The following KCNH1 variants were observed in gnomAD, a reference collection of about 807,000 sequenced individuals.
The protein encoded by KCNH1 is potassium voltage-gated channel subfamily H member 1.
In KCNH1, 27 loss-of-function variants were observed where a neutral mutation model predicts 69.2. That is an observed-to-expected ratio of 0.39 (90% CI 0.29 to 0.54). The LOEUF (loss-of-function observed/expected upper bound fraction) is 0.54, where lower values mean the gene tolerates loss of function less well. Among genes scored for constraint, KCNH1 ranks in the 20% least tolerant of loss-of-function variants. The probability of loss-of-function intolerance (pLI) is 0.68; values close to 1 mark genes in which losing one functional copy is unlikely to be tolerated. For synonymous variants in KCNH1, 456 were observed against 487.7 expected, an observed-to-expected ratio of 0.93 and a Z score of 0.86; for missense variants, 798 against 1,261.6, an observed-to-expected ratio of 0.63 and a Z score of 5.57.
intron 7 of KCNH1, among the ~76,000 whole-genome samples, chr1:210,828,717 T>C (rs147503433): frequency 1.3e-5 from 2 of 152,308 alleles, no homozygotes; most frequent in African/African-American, 4.8e-5. Flanking sequence ...GACTAGGTTG[T>C]CCTTTCTAAA....
At chr1:211,041,498 T>A (rs953362730) in intron 5 of KCNH1, among the ~76,000 whole-genome samples, 1 of 152,206 alleles carries the variant, frequency 6.6e-6, no homozygotes, top group East Asian at 1.9e-4. Flanking sequence ...CAATGTACCA[T>A]CCTGTCTCAC....
intron 5 of KCNH1, among the ~76,000 whole-genome samples, chr1:211,080,177 G>A (rs1558596145): frequency 6.6e-6 from 1 of 152,078 alleles, no homozygotes; most frequent in Non-Finnish European, 1.5e-5. Context: ...ACCAATAATA[G>A]ACAAACAGAG....
intron 6 of KCNH1, among the ~76,000 whole-genome samples, chr1:210,920,355 C>T (rs1007308518): frequency 1.3e-5 from 2 of 152,056 alleles, no homozygotes; most frequent in African/African-American, 4.8e-5. Flanking sequence ...GGCATCTTTC[C>T]ATATCATTAC....
intron 6 of KCNH1, among the ~76,000 whole-genome samples, chr1:210,980,252 G>A (rs1197582122): frequency 6.6e-6 from 1 of 152,148 alleles, no homozygotes; most frequent in African/African-American, 2.4e-5. Flanking sequence ...CCAGATGCAG[G>A]TTAAGACATG....
intron 6 of KCNH1, among the ~76,000 whole-genome samples, chr1:210,949,539 A>G (rs777302005): frequency 1.3e-5 from 2 of 152,192 alleles, no homozygotes; most frequent in Non-Finnish European, 2.9e-5. Flanking sequence ...CTCTCCCAAC[A>G]TGACAGTAAC....
intron 9 of KCNH1, among the ~76,000 whole-genome samples, chr1:210,776,018 G>A (rs1683852903): frequency 6.6e-6 from 1 of 152,230 alleles, no homozygotes; most frequent in Non-Finnish European, 1.5e-5. Flanking sequence ...CAGAAGGAAA[G>A]AATGGAGGTA....
At chr1:210,832,365 C>A (rs2102440951) in intron 7 of KCNH1, among the ~76,000 whole-genome samples, 1 of 152,238 alleles carries the variant, frequency 6.6e-6, no homozygotes, top group South Asian at 2.1e-4. Context: ...GTTAATATTG[C>A]AGATATTCTG....
chr1:210,692,110 C>T (rs1273183231), intron 10 of KCNH1, among the ~76,000 whole-genome samples: 1 of 152,228 alleles, frequency 6.6e-6, no homozygotes, highest in African/African-American at 2.4e-5. Context: ...GCAGCATCTG[C>T]ACTTTCTTCT....
intron 10 of KCNH1, among the ~76,000 whole-genome samples, chr1:210,767,445 G>A (rs1259435683): frequency 2.0e-5 from 3 of 152,170 alleles, no homozygotes; most frequent in Non-Finnish European, 4.4e-5. Context: ...ATGTTTCAGA[G>A]GCAAGACCTG....
At chr1:211,105,816 T>C (rs1050399613) in intron 2 of KCNH1, among the ~76,000 whole-genome samples, 93 of 152,198 alleles carry the variant, frequency 6.1e-4, no homozygotes, top group African/African-American at 2.2e-3. Context: ...CCTAAGAGGA[T>C]AACAGCACAC....
intron 6 of KCNH1, among the ~76,000 whole-genome samples, chr1:210,987,508 A>G (rs1049673164): frequency 6.6e-6 from 1 of 152,006 alleles, no homozygotes; most frequent in Admixed American, 6.5e-5. Context: ...AACAGTCAGG[A>G]CCCTCAGCTG....
chr1:210,764,573 T>G (rs1249457475), intron 10 of KCNH1, among the ~76,000 whole-genome samples: 1 of 152,094 alleles, frequency 6.6e-6, no homozygotes, highest in Non-Finnish European at 1.5e-5. Context: ...CAGATGCTTC[T>G]CAAAGGAAGA....
intron 1 of KCNH1, among the ~76,000 whole-genome samples, chr1:211,131,160 G>A (rs2102506111): frequency 6.6e-6 from 1 of 152,060 alleles, no homozygotes; most frequent in East Asian, 1.9e-4. Flanking sequence ...ATACAATGAT[G>A]GGGAAGGAGA....
intron 10 of KCNH1, among the ~76,000 whole-genome samples, chr1:210,704,873 C>T (rs1268136081): frequency 2.0e-5 from 3 of 152,216 alleles, no homozygotes; most frequent in African/African-American, 7.2e-5. Context: ...TCCCTACACA[C>T]ACTTTGCAGA....
chr1:210,789,609 A>T (rs191849760), intron 9 of KCNH1, among the ~76,000 whole-genome samples: 2 of 152,358 alleles, frequency 1.3e-5, no homozygotes, highest in Admixed American at 1.3e-4. Flanking sequence ...TACCCCTTTG[A>T]AAATTAAAAC....
intron 7 of KCNH1, among the ~76,000 whole-genome samples, chr1:210,863,616 G>A (rs1574303699): frequency 6.6e-6 from 1 of 152,192 alleles, no homozygotes; most frequent in African/African-American, 2.4e-5. Context: ...CTTAATGTGC[G>A]AGATCTGAAT....
chr1:210,886,008 G>A (rs1686596561), intron 7 of KCNH1, among the ~76,000 whole-genome samples: 1 of 152,202 alleles, frequency 6.6e-6, no homozygotes, highest in African/African-American at 2.4e-5. Context: ...GCTCAGAAGA[G>A]AGCAGCAGAT....
intron 6 of KCNH1, among the ~76,000 whole-genome samples, chr1:210,956,837 A>G (rs984495338): frequency 6.6e-6 from 1 of 151,708 alleles, no homozygotes; most frequent in Non-Finnish European, 1.5e-5. Context: ...CTGTCTATCA[A>G]TTTTGTTGAT....
chr1:211,017,964 G>T (rs532791456), intron 6 of KCNH1, among the ~76,000 whole-genome samples: 7 of 152,074 alleles, frequency 4.6e-5, no homozygotes, highest in Non-Finnish European at 1.0e-4. Flanking sequence ...CTCTCTGGGG[G>T]AAGTGGGGTG....
Sources: gnomAD v4.1 joint callset for allele counts (sites outside exome capture counted in the v4.1 genomes callset) on GRCh38, gnomAD v4.1.1 for gene constraint, MANE v1.5 for transcripts, NCBI Gene and HGNC (gene_info 2026-07-23, HGNC 2026-07-21) for gene names.